The following ZDHHC20 variants were observed in gnomAD, a reference collection of about 807,000 sequenced individuals.
ZDHHC20 encodes palmitoyltransferase ZDHHC20.
In ZDHHC20, 43 loss-of-function variants were observed where a neutral mutation model predicts 57.8. That is an observed-to-expected ratio of 0.74 (90% CI 0.58 to 0.96). ZDHHC20 has a LOEUF of 0.96. Ranked by LOEUF, ZDHHC20 falls within the 40% of genes least tolerant of loss-of-function variation. The probability of loss-of-function intolerance (pLI) is 0.00; values close to 1 mark genes in which losing one functional copy is unlikely to be tolerated. For missense variants in ZDHHC20, 391 were observed against 441.1 expected (o/e 0.89, Z 1.02); for synonymous variants, 157 against 153.0 (o/e 1.03, Z -0.19).
At chr13:21,422,581 ATAC>A (rs1270264211) in intron 2 of ZDHHC20, among the ~76,000 whole-genome samples, 1 of 152,156 alleles carries the variant, frequency 6.6e-6, no homozygotes, top group Non-Finnish European at 1.5e-5. Context: ...ATCAGTACAA[ATAC>A]TACTAATTCT....
At position 21,390,474 on chromosome 13, in the gene ZDHHC20, C is replaced by T. The variant is rs574981074; in HGVS notation, c.727+1248G>A. 2.2e-4 allele frequency among the ~76,000 whole-genome samples: 33 copies of T among 152,202 alleles called. No individual in the cohort carries two copies. The South Asian group carries it at 6.8e-3, about 32-fold the overall frequency. On this transcript the variant is annotated intron_variant, in intron 8 of 12. Coordinates refer to ENST00000400590, the MANE Select transcript of ZDHHC20 (RefSeq NM_001330059.2). Reference sequence around the variant, plus strand: ...GAGAAATAAATGTTAATACTAGTGACACAATACGTAAGTCTCACTGACAAC... The same window carrying T: ...GAGAAATAAATGTTAATACTAGTGATACAATACGTAAGTCTCACTGACAAC...
At chr13:21,437,816 T>C (rs981012203) in intron 1 of ZDHHC20, among the ~76,000 whole-genome samples, 3 of 152,016 alleles carry the variant, frequency 2.0e-5, no homozygotes, top group African/African-American at 7.2e-5. Context: ...CTCAGCCTCC[T>C]AAGTAGGTAG....
chr13:21,438,445 C>T (rs954673127), intron 1 of ZDHHC20, among the ~76,000 whole-genome samples: 1 of 152,130 alleles, frequency 6.6e-6, no homozygotes, highest in African/African-American at 2.4e-5. Flanking sequence ...GAAGGGACTG[C>T]AGATGTGGTG....
chr13:21,428,422 T>A (rs140411571), intron 1 of ZDHHC20, among the ~76,000 whole-genome samples: 1 of 150,606 alleles, frequency 6.6e-6, no homozygotes, highest in African/African-American at 2.4e-5. Flanking sequence ...GGTTTCACCA[T>A]GTTGGCCAGA....
At chr13:21,455,547 C>A (rs1884844234) in intron 1 of ZDHHC20, among the ~76,000 whole-genome samples, 2 of 152,126 alleles carry the variant, frequency 1.3e-5, no homozygotes, top group Non-Finnish European at 2.9e-5. Flanking sequence ...ATCTTCGCTT[C>A]TCAGCTTATC....
At chr13:21,453,082 C>A (rs866707018) in intron 1 of ZDHHC20, among the ~76,000 whole-genome samples, 5 of 152,114 alleles carry the variant, frequency 3.3e-5, no homozygotes, top group Admixed American at 6.6e-5. Flanking sequence ...ACGAGAATTA[C>A]AATTTAAATA....
Position 21,425,033 on chromosome 13 carries a change from T to C in ZDHHC20, c.145+619A>G, listed in dbSNP as rs543555805. 3.1e-3 allele frequency among the ~76,000 whole-genome samples: 469 copies of C among 152,346 alleles called. 2 individuals are homozygous for C. Among genetic ancestry groups the C allele is most frequent in the African/African-American group, 0.011 (442 of 41,592 alleles). ...ATTTTAGAAATCCTCTGGAGTTTTGTATGCCCAATTAAATTTTGTTTAAAT... is the reference window on the plus strand; with the variant it reads ...ATTTTAGAAATCCTCTGGAGTTTTGCATGCCCAATTAAATTTTGTTTAAAT... On this transcript the variant is annotated intron_variant, in intron 2 of 12. Transcript: ENST00000400590.
chr13:21,389,303 T>C (rs1875197880), intron 8 of ZDHHC20, among the ~76,000 whole-genome samples: 1 of 152,124 alleles, frequency 6.6e-6, no homozygotes, highest in African/African-American at 2.4e-5. Context: ...CTGTGGGAGA[T>C]GAAGCTGTTA....
At chr13:21,390,845 A>G (rs1014182187) in intron 8 of ZDHHC20, among the ~76,000 whole-genome samples, 2 of 151,670 alleles carry the variant, frequency 1.3e-5, no homozygotes, top group Admixed American at 6.6e-5. Context: ...GGCTGCAGTG[A>G]GCTGTGATGG....
In ZDHHC20 at chr13:21,456,447, A is replaced by C. The variant is rs757182578; in HGVS notation, c.118+2607T>G. Among the ~76,000 whole-genome samples, 9 of 152,300 alleles carry C rather than the reference A, an allele frequency of 5.9e-5. No individual in the cohort carries two copies. The South Asian group carries it at 1.5e-3, about 25-fold the overall frequency. On this transcript the variant is annotated intron_variant, in intron 1 of 12. Coordinates refer to ENST00000400590, the MANE Select transcript of ZDHHC20 (RefSeq NM_001330059.2). Reference sequence around the variant, plus strand: ...ATATAAATAAAAAGAATATCCTATAAAAGTATTAAAACAGCACTTTTAAGT... The same window carrying C: ...ATATAAATAAAAAGAATATCCTATACAAGTATTAAAACAGCACTTTTAAGT...
At chr13:21,454,705 G>A (rs1884761094) in intron 1 of ZDHHC20, among the ~76,000 whole-genome samples, 1 of 152,112 alleles carries the variant, frequency 6.6e-6, no homozygotes, top group Non-Finnish European at 1.5e-5. Flanking sequence ...AAATACTTCA[G>A]AATCAACAGT....
intron 1 of ZDHHC20, among the ~76,000 whole-genome samples, chr13:21,448,580 T>C (rs1884102717): frequency 1.3e-5 from 1 of 74,486 alleles, no homozygotes; most frequent in African/African-American, 4.4e-5. Flanking sequence ...AGCCGCCCCG[T>C]CCGGGAGGGA....
chr13:21,383,080 T>G, intron 9 of ZDHHC20, 71 bp from the exon 10 acceptor site: 1 of 1,327,588 alleles, frequency 7.5e-7, no homozygotes, highest in Non-Finnish European at 1.1e-6. Flanking sequence ...TTAACACTCA[T>G]TTTTCAGAGA....
At chr13:21,408,294 C>T (rs1256176081) in intron 4 of ZDHHC20, among the ~76,000 whole-genome samples, 1 of 152,066 alleles carries the variant, frequency 6.6e-6, no homozygotes, top group Non-Finnish European at 1.5e-5. Flanking sequence ...CTTTTATTTC[C>T]TTGAGCAGTG....
chr13:21,394,901 C>A (rs1186151085), intron 7 of ZDHHC20, among the ~76,000 whole-genome samples: 1 of 152,004 alleles, frequency 6.6e-6, no homozygotes, highest in East Asian at 1.9e-4. Flanking sequence ...TTTTACATAC[C>A]CAAACTTTAA....
At chr13:21,432,368 A>G (rs1882062867) in intron 1 of ZDHHC20, among the ~76,000 whole-genome samples, 2 of 147,488 alleles carry the variant, frequency 1.4e-5, no homozygotes, top group Non-Finnish European at 3.0e-5. Context: ...CTCGCTCTGT[A>G]GCCCAGGCTG....
chr13:21,459,113 A>C lies in ZDHHC20; in HGVS notation c.59T>G (p.Leu20Arg). 6.2e-7 allele frequency: 1 copy of C among 1,607,806 alleles called. No homozygotes were observed. Among genetic ancestry groups the C allele is most frequent in the South Asian group, 1.1e-5 (1 of 90,300 alleles). Residue 20 changes from leucine to arginine, a missense_variant, in exon 1 of 13, where the codon CTC becomes CGC. Leu to Arg is a moderately radical substitution (Grantham distance 102). This residue lies in a region of ZDHHC20 where 185 missense variants were observed against 188.0 expected (regional missense o/e 0.98). Transcript: ENST00000400590. ...CCAGACGACCACGAAGGTGATGAAG[A>C]GCACCGGCACCCAGCCCACGACGCG... ...CQRVVGWVPV[L>R]FITFVVVWSY...
At chr13:21,398,805 A>C (rs1171895686) in intron 7 of ZDHHC20, among the ~76,000 whole-genome samples, 1 of 152,210 alleles carries the variant, frequency 6.6e-6, no homozygotes, top group Non-Finnish European at 1.5e-5. Flanking sequence ...CTACTGGTTC[A>C]ATAAATAGCA....
chr13:21,387,256 A>C (rs1047229695), intron 9 of ZDHHC20, among the ~76,000 whole-genome samples: 3 of 152,140 alleles, frequency 2.0e-5, no homozygotes, highest in Non-Finnish European at 2.9e-5. Context: ...TTGAAGAAAA[A>C]ATCTTATTTT....
Sources: allele counts gnomAD v4.1 joint callset (sites outside exome capture counted in the v4.1 genomes callset), GRCh38; gene constraint gnomAD v4.1.1; regional missense constraint gnomAD v4.1.1; transcripts MANE v1.5; gene names NCBI Gene and HGNC (gene_info 2026-07-23, HGNC 2026-07-21).